The following AGMO variants were observed in gnomAD, a reference collection of about 807,000 sequenced individuals.
AGMO encodes the protein glyceryl-ether monooxygenase.
AGMO carries 75 observed loss-of-function variants against 60.2 expected under a neutral mutation model. That is an observed-to-expected ratio of 1.25 (90% CI 1.03 to 1.51). AGMO has a LOEUF of 1.51. Among genes scored for constraint, AGMO ranks in the 40% most tolerant of loss-of-function variants. AGMO has a pLI of 0.00. For synonymous variants in AGMO, 261 were observed against 177.1 expected (o/e 1.47, Z -3.76); for missense variants, 763 against 525.5 (o/e 1.45, Z -4.42).
intron 12 of AGMO, among the ~76,000 whole-genome samples, chr7:15,288,551 A>G (rs981383486): frequency 6.6e-6 from 1 of 152,090 alleles, no homozygotes; most frequent in African/African-American, 2.4e-5. Flanking sequence ...TTCACATCCA[A>G]ATCAGTCTAT....
chr7:15,193,298 C>A, the AGMO span, among the ~76,000 whole-genome samples: 1 of 152,074 alleles, frequency 6.6e-6, no homozygotes, highest in Non-Finnish European at 1.5e-5. Context: ...TATGTCATAG[C>A]TCTTGTATTT....
chr7:15,208,238 C>T (rs1305674154), intron 12 of AGMO, among the ~76,000 whole-genome samples: 1 of 152,070 alleles, frequency 6.6e-6, no homozygotes, highest in East Asian at 1.9e-4. Flanking sequence ...AGTAAGGATA[C>T]ATAGAGAGAG....
At chr7:15,211,878 A>G (rs1274408471) in intron 12 of AGMO, among the ~76,000 whole-genome samples, 1 of 152,020 alleles carries the variant, frequency 6.6e-6, no homozygotes, top group Admixed American at 6.6e-5. Flanking sequence ...TTTTTTGACA[A>G]ACATAAAAAG....
At position 15,352,609 on chromosome 7, in the gene AGMO, T is replaced by A. The variant is rs1366549457; in HGVS notation, c.1263+12905A>T. ...ATTTTACGGTCAATTGGCGGGAGCA[T>A]CTGGAACCAGACATTCTGGCCTTGA... On this transcript the variant is annotated intron_variant, in intron 12 of 12. Coordinates refer to ENST00000342526, the MANE Select transcript of AGMO (RefSeq NM_001004320.2). Among the ~76,000 whole-genome samples the A allele has an allele frequency of 2.6e-5, 4 of 152,054 alleles. No individual in the cohort carries two copies. In the South Asian group the frequency reaches 8.3e-4, roughly 32 times the overall value.
intron 3 of AGMO, among the ~76,000 whole-genome samples, chr7:15,439,100 T>C (rs952099824): frequency 1.3e-5 from 2 of 152,132 alleles, no homozygotes; most frequent in African/African-American, 4.8e-5. Context: ...GGGATATCTA[T>C]AGAAAATCGA....
intron 3 of AGMO, among the ~76,000 whole-genome samples, chr7:15,529,759 T>C (rs74220987): frequency 0.18 from 1,737 of 9,872 alleles, 627 homozygotes; most frequent in East Asian, 0.5. Flanking sequence ...TTTCTATATA[T>C]ATATTTCTCT....
intron 3 of AGMO, among the ~76,000 whole-genome samples, chr7:15,431,439 G>A (rs192273750): frequency 2.0e-5 from 3 of 151,932 alleles, no homozygotes; most frequent in Admixed American, 1.3e-4. Flanking sequence ...AAGCTAGCTG[G>A]TAATGTTGTG....
chr7:15,247,459 C>CACACAGAGAG lies in AGMO; in HGVS notation c.1264-46101_1264-46100insCTCTCTGTGT, dbSNP rs139642069. ...ACACACACACACACACACACACACA[C>CACACAGAGAG]AGAGAGAGAGAGAGAGAGAGGGAGA... On this transcript the variant is annotated intron_variant, in intron 12 of 12. Coordinates refer to ENST00000342526, the MANE Select transcript of AGMO (RefSeq NM_001004320.2). Among the ~76,000 whole-genome samples, 249 of 115,268 alleles carry CACACAGAGAG rather than the reference C, an allele frequency of 2.2e-3. 1 individual carries two copies. The highest frequency in any genetic ancestry group is 8.5e-3 in the African/African-American group (242 of 28,322). 75.6% of individuals were successfully genotyped at this position (115,268 alleles called of 152,430 possible). A position where few individuals can be genotyped will look rare whatever the true frequency, so the allele number is the denominator to read the frequency against.
At chr7:15,126,116 A>G in the AGMO span, among the ~76,000 whole-genome samples, 1 of 152,118 alleles carries the variant, frequency 6.6e-6, no homozygotes, top group Non-Finnish European at 1.5e-5. Flanking sequence ...TGAGACACAC[A>G]TAGCATAATA....
intron 12 of AGMO, among the ~76,000 whole-genome samples, chr7:15,231,588 C>T (rs1782260690): frequency 6.6e-6 from 1 of 152,218 alleles, no homozygotes; most frequent in Non-Finnish European, 1.5e-5. Flanking sequence ...TATTCAATAG[C>T]TTTGCATAAT....
the AGMO span, among the ~76,000 whole-genome samples, chr7:15,177,789 C>T: frequency 1.3e-5 from 2 of 152,098 alleles, no homozygotes; most frequent in African/African-American, 4.8e-5. Context: ...AATATATACT[C>T]TCCCTTCAAT....
chr7:15,350,612 T>C (rs1782205876), intron 12 of AGMO, among the ~76,000 whole-genome samples: 1 of 152,154 alleles, frequency 6.6e-6, no homozygotes, highest in African/African-American at 2.4e-5. Flanking sequence ...GTTTCAACTG[T>C]TCATGGGTTC....
the AGMO span, among the ~76,000 whole-genome samples, chr7:15,143,888 T>C: frequency 1.3e-5 from 2 of 152,176 alleles, no homozygotes. Flanking sequence ...ATAGGATAGA[T>C]TGCTCAGGAA....
At chr7:15,161,529 G>A in the AGMO span, among the ~76,000 whole-genome samples, 1 of 149,864 alleles carries the variant, frequency 6.7e-6, no homozygotes, top group East Asian at 2.0e-4. Context: ...ATGCATATAT[G>A]GATCATATAT....
chr7:15,360,953 G>A (rs556573918), intron 12 of AGMO, among the ~76,000 whole-genome samples: 6 of 152,242 alleles, frequency 3.9e-5, no homozygotes, highest in South Asian at 4.1e-4. Flanking sequence ...AAATAAAGCA[G>A]AAATAAGCAG....
At chr7:15,240,173 T>C (rs898734329) in intron 12 of AGMO, among the ~76,000 whole-genome samples, 12 of 152,182 alleles carry the variant, frequency 7.9e-5, no homozygotes, top group African/African-American at 2.7e-4. Context: ...CTACCTGGTG[T>C]GTTAGGTCTC....
intron 12 of AGMO, among the ~76,000 whole-genome samples, chr7:15,220,858 CCT>C (rs1324701222): frequency 5.9e-5 from 9 of 151,878 alleles, no homozygotes; most frequent in Non-Finnish European, 4.4e-5. Context: ...AATTATGTCC[CCT>C]GAAATTAATC....
intron 2 of AGMO, 110 bp from the exon 3 acceptor site, chr7:15,545,033 A>C: frequency 1.3e-6 from 1 of 769,652 alleles, no homozygotes; most frequent in Non-Finnish European, 1.8e-6. Flanking sequence ...AAAAAATGAA[A>C]CTCTTTCTTC....
intron 10 of AGMO, among the ~76,000 whole-genome samples, chr7:15,377,022 G>C (rs1404450536): frequency 6.6e-6 from 1 of 152,036 alleles, no homozygotes; most frequent in Non-Finnish European, 1.5e-5. Flanking sequence ...TGCATAAACA[G>C]AAAAGACTGT....
Sources: allele counts gnomAD v4.1 joint callset (sites outside exome capture counted in the v4.1 genomes callset), GRCh38; gene constraint gnomAD v4.1.1; transcripts MANE v1.5; gene names NCBI Gene and HGNC (gene_info 2026-07-23, HGNC 2026-07-21).